NOL4: variants seen among roughly 807,000 people sequenced by gnomAD.
NOL4 encodes the protein nucleolar protein 4.
NOL4 carries 17 observed loss-of-function variants against 75.9 expected under a neutral mutation model. That is an observed-to-expected ratio of 0.22 (90% CI 0.15 to 0.34). NOL4 has a LOEUF of 0.34. Among genes scored for constraint, NOL4 ranks in the 10% least tolerant of loss-of-function variants. The pLI, the probability that NOL4 is intolerant of heterozygous loss-of-function variation, is 1.00. For missense variants in NOL4, 614 were observed against 793.5 expected, an observed-to-expected ratio of 0.77 and a Z score of 2.72; for synonymous variants, 292 against 289.9, an observed-to-expected ratio of 1.01 and a Z score of -0.07.
intron 2 of NOL4, among the ~76,000 whole-genome samples, chr18:34,117,035 C>T (rs1405976116): frequency 6.6e-6 from 1 of 152,184 alleles, no homozygotes; most frequent in Non-Finnish European, 1.5e-5. Flanking sequence ...TCGTTAATTA[C>T]ATGACAATTA....
chr18:34,115,480 C>G, intron 2 of NOL4, among the ~76,000 whole-genome samples: 1 of 120,048 alleles, frequency 8.3e-6, no homozygotes, highest in Non-Finnish European at 1.7e-5. Flanking sequence ...TAAATTTTTG[C>G]CCACCCCCCT....
intron 9 of NOL4, among the ~76,000 whole-genome samples, chr18:33,940,350 C>T (rs907816185): frequency 6.6e-6 from 1 of 152,018 alleles, no homozygotes; most frequent in African/African-American, 2.4e-5. Context: ...CACATATACA[C>T]CATGGAATAC....
At chr18:33,921,207 G>A (rs191907058) in intron 9 of NOL4, among the ~76,000 whole-genome samples, 14 of 152,250 alleles carry the variant, frequency 9.2e-5, no homozygotes, top group Non-Finnish European at 2.1e-4. Flanking sequence ...CATATCCAGA[G>A]TCTTACTCAC....
At chr18:34,013,577 T>C (rs1210952132) in intron 6 of NOL4, among the ~76,000 whole-genome samples, 1 of 151,994 alleles carries the variant, frequency 6.6e-6, no homozygotes, top group African/African-American at 2.4e-5. Context: ...TCAGCATTTC[T>C]AGTCCTTACC....
chr18:34,115,694 G>A (rs774576360), intron 2 of NOL4, among the ~76,000 whole-genome samples: 1 of 152,092 alleles, frequency 6.6e-6, no homozygotes, highest in Non-Finnish European at 1.5e-5. Context: ...AAAAACCCTT[G>A]CATTTCCCTG....
intron 5 of NOL4, among the ~76,000 whole-genome samples, chr18:34,072,791 A>G (rs895498084): frequency 2.0e-5 from 3 of 152,166 alleles, no homozygotes; most frequent in Non-Finnish European, 2.9e-5. Flanking sequence ...GACAATATAA[A>G]ATCTAAAAAA....
intron 1 of NOL4, among the ~76,000 whole-genome samples, chr18:34,163,084 C>T (rs1233496499): frequency 6.6e-6 from 1 of 152,012 alleles, no homozygotes; most frequent in African/African-American, 2.4e-5. Context: ...ATTGATGGGA[C>T]ATATCTCAAA....
chr18:34,092,016 G>A (rs1267437839), intron 5 of NOL4, among the ~76,000 whole-genome samples: 1 of 151,998 alleles, frequency 6.6e-6, no homozygotes, highest in African/African-American at 2.4e-5. Flanking sequence ...CATGATGAGA[G>A]ACATCCTCTA....
chr18:34,036,591 C>T (rs566652945), intron 5 of NOL4, among the ~76,000 whole-genome samples: 1 of 152,264 alleles, frequency 6.6e-6, no homozygotes, highest in African/African-American at 2.4e-5. Context: ...CAACATATTT[C>T]TGGAAGTTCT....
intron 9 of NOL4, among the ~76,000 whole-genome samples, chr18:33,893,058 A>G (rs542928046): frequency 6.6e-6 from 1 of 152,252 alleles, no homozygotes; most frequent in South Asian, 2.1e-4. Context: ...ACCACATACA[A>G]TACACTAGAT....
At chr18:34,084,477 A>T (rs2078157469) in intron 5 of NOL4, among the ~76,000 whole-genome samples, 1 of 152,180 alleles carries the variant, frequency 6.6e-6, no homozygotes, top group Admixed American at 6.5e-5. Flanking sequence ...TTTCACTATA[A>T]AAGTAAGCAG....
chr18:33,851,514 A>C lies in NOL4; in HGVS notation c.*1328T>G, dbSNP rs2062634206. On this transcript the variant is annotated 3_prime_UTR_variant, in exon 11 of 11. Transcript: ENST00000261592. ...AAAAACTGAATGACATAAATTTTAC[A>C]TGAAATAAGGCAAATTCAGGAATGC... is the stretch of plus-strand genomic sequence containing the variant. 1 of 152,522 alleles carries C rather than the reference A, an allele frequency of 6.6e-6. No homozygotes were observed. The highest frequency in any genetic ancestry group is 1.5e-5 in the Non-Finnish European group (1 of 68,024). 9.4% of individuals were successfully genotyped at this position (152,522 alleles called of 1,614,324 possible).
intron 1 of NOL4, among the ~76,000 whole-genome samples, chr18:34,147,816 G>A (rs2081469996): frequency 6.6e-6 from 1 of 151,772 alleles, no homozygotes; most frequent in Non-Finnish European, 1.5e-5. Context: ...TGTACCTCTG[G>A]AAGAATTTGG....
At chr18:34,154,936 G>A (rs75987759) in intron 1 of NOL4, among the ~76,000 whole-genome samples, 2 of 151,830 alleles carry the variant, frequency 1.3e-5, no homozygotes, top group East Asian at 1.9e-4. Flanking sequence ...TTATTTAGAC[G>A]CCCTCTTTTG....
chr18:33,866,758 T>C (rs1463697704), intron 10 of NOL4, among the ~76,000 whole-genome samples: 3 of 152,124 alleles, frequency 2.0e-5, no homozygotes, highest in Admixed American at 1.3e-4. Flanking sequence ...TGGGAAAAGA[T>C]ACAAATACTG....
intron 5 of NOL4, among the ~76,000 whole-genome samples, chr18:34,046,607 C>CATACATAT (rs1555703523): frequency 4.9e-5 from 4 of 81,658 alleles, no homozygotes; most frequent in Non-Finnish European, 9.7e-5. Context: ...TTTACTTATA[C>CATACATAT]ATATATATAT....
intron 5 of NOL4, among the ~76,000 whole-genome samples, chr18:34,043,086 T>C (rs2076209988): frequency 6.6e-6 from 1 of 152,084 alleles, no homozygotes; most frequent in Admixed American, 6.6e-5. Context: ...GCCCAGTACC[T>C]GGTCCACATC....
chr18:34,128,935 T>C (rs1286739983), intron 2 of NOL4: 2 of 778,028 alleles, frequency 2.6e-6, no homozygotes, highest in Non-Finnish European at 3.1e-6. Context: ...TCAATATAGC[T>C]GAAAACAGTT....
chr18:34,034,161 A>G (rs2075774229), intron 5 of NOL4, among the ~76,000 whole-genome samples: 1 of 152,188 alleles, frequency 6.6e-6, no homozygotes, highest in Non-Finnish European at 1.5e-5. Flanking sequence ...CAATGATAAC[A>G]CTACAGAAAA....
Sources: gnomAD v4.1 joint callset for allele counts (sites outside exome capture counted in the v4.1 genomes callset) on GRCh38, gnomAD v4.1.1 for gene constraint, MANE v1.5 for transcripts, NCBI Gene and HGNC (gene_info 2026-07-23, HGNC 2026-07-21) for gene names.